The following GRIN2B variants were observed in gnomAD, a reference collection of about 807,000 sequenced individuals.
GRIN2B encodes glutamate ionotropic receptor NMDA type subunit 2B.
A neutral mutation model predicts 114.5 loss-of-function variants in GRIN2B; 5 were observed. The ratio of observed to expected loss-of-function variants is 0.04; its 90% CI spans 0.02 to 0.09. The LOEUF (loss-of-function observed/expected upper bound fraction) is 0.09, where lower values mean the gene tolerates loss of function less well. Among genes scored for constraint, GRIN2B ranks in the 10% least tolerant of loss-of-function variants. The probability of loss-of-function intolerance (pLI) is 1.00; values close to 1 mark genes in which losing one functional copy is unlikely to be tolerated. For missense variants in GRIN2B, 1,108 were observed against 1,943.5 expected, an observed-to-expected ratio of 0.57 and a Z score of 8.08; for synonymous variants, 787 against 745.1, an observed-to-expected ratio of 1.06 and a Z score of -0.92.
intron 10 of GRIN2B, among the ~76,000 whole-genome samples, chr12:13,598,098 A>T (rs1235442026): frequency 6.6e-6 from 1 of 152,162 alleles, no homozygotes; most frequent in Admixed American, 6.5e-5. Flanking sequence ...CTTGGCTGGC[A>T]CCGCAGTGGT....
chr12:13,870,605 G>A (rs1159539482), intron 2 of GRIN2B, among the ~76,000 whole-genome samples: 1 of 152,076 alleles, frequency 6.6e-6, no homozygotes, highest in Admixed American at 6.5e-5. Flanking sequence ...AACCACAACT[G>A]GAAGAATAAA....
At chr12:13,764,062 C>T (rs933094518) in intron 3 of GRIN2B, among the ~76,000 whole-genome samples, 18 of 151,824 alleles carry the variant, frequency 1.2e-4, no homozygotes, top group African/African-American at 4.1e-4. Context: ...CAATACAATC[C>T]ACTAGGATGG....
chr12:13,663,787 G>A (rs1949947202), intron 5 of GRIN2B, among the ~76,000 whole-genome samples: 2 of 152,138 alleles, frequency 1.3e-5, no homozygotes, highest in Non-Finnish European at 2.9e-5. Flanking sequence ...TCTTTGTGTA[G>A]TTAAGTATGG....
At chr12:13,874,247 C>T (rs957588650) in intron 2 of GRIN2B, among the ~76,000 whole-genome samples, 2 of 152,224 alleles carry the variant, frequency 1.3e-5, no homozygotes, top group African/African-American at 4.8e-5. Context: ...GTCCTTACAG[C>T]ACTTCCAGTG....
chr12:13,651,011 GC>G (rs949753985), intron 5 of GRIN2B, among the ~76,000 whole-genome samples: 1 of 152,044 alleles, frequency 6.6e-6, no homozygotes, highest in Non-Finnish European at 1.5e-5. Flanking sequence ...ACTTCATATG[GC>G]CTCTTACTCT....
At chr12:13,758,278 G>T (rs777041505) in intron 3 of GRIN2B, among the ~76,000 whole-genome samples, 20 of 152,058 alleles carry the variant, frequency 1.3e-4, no homozygotes, top group Non-Finnish European at 2.5e-4. Flanking sequence ...GATCTCAAAA[G>T]CACCCCCTAA....
intron 10 of GRIN2B, among the ~76,000 whole-genome samples, chr12:13,587,415 T>G (rs1174906463): frequency 6.6e-6 from 1 of 151,748 alleles, no homozygotes; most frequent in Non-Finnish European, 1.5e-5. Flanking sequence ...TGGAGTGCAG[T>G]GGCACAATCA....
chr12:13,831,460 C>T (rs925183331), intron 3 of GRIN2B, among the ~76,000 whole-genome samples: 3 of 152,214 alleles, frequency 2.0e-5, no homozygotes, highest in East Asian at 3.9e-4. Context: ...GATGCCAGCT[C>T]AGGCCCAACA....
chr12:13,979,349 C>T (rs765573019), intron 2 of GRIN2B, among the ~76,000 whole-genome samples: 2 of 151,976 alleles, frequency 1.3e-5, no homozygotes, highest in Non-Finnish European at 2.9e-5. Context: ...ATAGGCCTCC[C>T]GGGATCTCTG....
At position 13,614,043 on chromosome 12, in the gene GRIN2B, A is replaced by G. The variant is rs1202770969; in HGVS notation, c.1654+1071T>C. ...AAAAAAAAAAAAAAAAAAAAAGCAA[A>G]TAAAATATGTATAGAAGCTATGAGA... is the stretch of plus-strand genomic sequence containing the variant. On this transcript the variant is annotated intron_variant, in intron 8 of 13. Coordinates refer to ENST00000609686, the MANE Select transcript of GRIN2B (RefSeq NM_000834.5). Among the ~76,000 whole-genome samples the G allele has an allele frequency of 2.0e-5, 3 of 151,308 alleles. No homozygotes were observed. In the East Asian group the frequency reaches 5.8e-4, roughly 29 times the overall value.
chr12:13,653,457 G>T (rs1949836870), intron 5 of GRIN2B, among the ~76,000 whole-genome samples: 1 of 149,944 alleles, frequency 6.7e-6, no homozygotes, highest in Non-Finnish European at 1.5e-5. Context: ...TCTCTGAGAA[G>T]ATGAGAAGAT....
At chr12:13,952,398 G>A (rs1385881329) in intron 2 of GRIN2B, among the ~76,000 whole-genome samples, 5 of 152,094 alleles carry the variant, frequency 3.3e-5, no homozygotes, top group African/African-American at 1.2e-4. Flanking sequence ...AGTTAGCAAC[G>A]GTCCTCCTGA....
At position 13,542,011 on chromosome 12, in the gene GRIN2B, G is replaced by A. The variant is rs187681428; in HGVS notation, c.*20772C>T. The A allele has an allele frequency of 1.3e-5, 2 of 152,020 alleles. No homozygotes were observed. The highest frequency in any genetic ancestry group is 2.9e-5 in the Non-Finnish European group (2 of 68,026). The allele number at this position is 152,020 out of a possible 1,614,324, so 9.4% of individuals were successfully genotyped here. A position where few individuals can be genotyped will look rare whatever the true frequency, so the allele number is the denominator to read the frequency against. ...TGTTTTTTTCAGACCCTCCCCAAGA[G>A]TCCTCACTTACCCCCTTTTCATGCA... On this transcript the variant is annotated 3_prime_UTR_variant, in exon 14 of 14. Transcript: ENST00000609686.
chr12:13,900,144 A>T (rs1378057506), intron 2 of GRIN2B, among the ~76,000 whole-genome samples: 2 of 152,160 alleles, frequency 1.3e-5, no homozygotes, highest in Non-Finnish European at 2.9e-5. Context: ...AGCAGCTTAG[A>T]GCTTCCCTTC....
chr12:13,917,273 A>C (rs1476449586), intron 2 of GRIN2B, among the ~76,000 whole-genome samples: 1 of 152,168 alleles, frequency 6.6e-6, no homozygotes, highest in Non-Finnish European at 1.5e-5. Flanking sequence ...TGCTTATTTT[A>C]CAAGCCCCAG....
chr12:13,903,137 G>T, intron 2 of GRIN2B, among the ~76,000 whole-genome samples: 1 of 151,332 alleles, frequency 6.6e-6, no homozygotes, highest in South Asian at 2.1e-4. Context: ...ATTATTTTGT[G>T]TTGACCAGCC....
In GRIN2B at chr12:13,542,393, TGTG is replaced by T. The variant is rs1206940019; in HGVS notation, c.*20387_*20389del. ...TACTTTCCAGGATAAATAGTCAAAA[TGTG>T]GTCTCAATCCAGGATAACATTTGTT... On this transcript the variant is annotated 3_prime_UTR_variant, in exon 14 of 14. Coordinates refer to ENST00000609686, the MANE Select transcript of GRIN2B (RefSeq NM_000834.5). 13 of 152,298 alleles carry T rather than the reference TGTG, an allele frequency of 8.5e-5. No individual in the cohort carries two copies. The highest frequency in any genetic ancestry group is 2.9e-4 in the African/African-American group (12 of 41,560). The allele number at this position is 152,298 out of a possible 1,614,324, so 9.4% of individuals were successfully genotyped here.
rs773327693 is a variant in GRIN2B at position 13,615,479 on chromosome 12, T to TTGTG, written c.1500+10_1500+13dup. 3.7e-6 allele frequency: 6 copies of TTGTG among 1,606,148 alleles called. No homozygotes were observed. In the East Asian group the frequency reaches 1.3e-4, roughly 36 times the overall value. On this transcript the variant is annotated intron_variant, in intron 7 of 13. Transcript: ENST00000609686. This position sits in a 1 kb window ranked among gnomAD's most constrained non-coding sequence, Gnocchi z 5.8. The stretch of plus-strand genomic sequence containing the variant: ...ATGAAAATGGAAATGGAAACAGCCC[T>TTGTG]TGTGGACACTCACCTCTCCAATCAT...
chr12:13,917,053 G>T (rs1392941195), intron 2 of GRIN2B, among the ~76,000 whole-genome samples: 1 of 151,970 alleles, frequency 6.6e-6, no homozygotes, highest in African/African-American at 2.4e-5. Context: ...GAAGAAAGGG[G>T]CATTCCACAC....
Sources: gnomAD v4.1 joint callset for allele counts (sites outside exome capture counted in the v4.1 genomes callset) on GRCh38, gnomAD v4.1.1 for gene constraint, Gnocchi (gnomAD v3.1) non-coding constraint, MANE v1.5 for transcripts, NCBI Gene and HGNC (gene_info 2026-07-23, HGNC 2026-07-21) for gene names.